Variants in MEGF10 observed in about 807,000 individuals in gnomAD.
MEGF10 encodes the protein multiple EGF like domains 10.
A neutral mutation model predicts 147.5 loss-of-function variants in MEGF10; 86 were observed. The observed-to-expected ratio is 0.58, with a 90% CI of 0.49 to 0.70. The LOEUF (loss-of-function observed/expected upper bound fraction) is 0.70, where lower values mean the gene tolerates loss of function less well. Among genes scored for constraint, MEGF10 ranks in the 30% least tolerant of loss-of-function variants. The probability of loss-of-function intolerance (pLI) is 0.00; values close to 1 mark genes in which losing one functional copy is unlikely to be tolerated. For missense variants in MEGF10, 1,329 were observed against 1,487.3 expected (o/e 0.89, Z 1.75); for synonymous variants, 478 against 525.5 (o/e 0.91, Z 1.24).
intron 1 of MEGF10, among the ~76,000 whole-genome samples, chr5:127,325,595 C>T (rs778249546): frequency 2.6e-5 from 4 of 152,016 alleles, no homozygotes; most frequent in Non-Finnish European, 4.4e-5. Context: ...TGGTGTGCAT[C>T]ATGCTGATTG....
chr5:127,335,543 C>A (rs1447075073), intron 2 of MEGF10, among the ~76,000 whole-genome samples: 2 of 152,112 alleles, frequency 1.3e-5, no homozygotes, highest in Non-Finnish European at 2.9e-5. Flanking sequence ...AGAAAATGGA[C>A]CCCTTGAAGA....
chr5:127,452,700 C>T (rs554587607), intron 22 of MEGF10, among the ~76,000 whole-genome samples: 5 of 152,284 alleles, frequency 3.3e-5, no homozygotes, highest in African/African-American at 1.2e-4. Flanking sequence ...CACTTGGTTA[C>T]ACTATCCGGT....
At chr5:127,351,179 C>T (rs1762074158) in intron 4 of MEGF10, among the ~76,000 whole-genome samples, 1 of 151,808 alleles carries the variant, frequency 6.6e-6, no homozygotes, top group Non-Finnish European at 1.5e-5. Context: ...TTTTTAATTA[C>T]CTAAAATTAT....
rs567434459 is a variant in MEGF10 at position 127,347,517 on chromosome 5, A to C, written c.319+6887A>C. 2.0e-5 allele frequency among the ~76,000 whole-genome samples: 3 copies of C among 152,138 alleles called. No homozygotes were observed. The East Asian group carries it at 5.8e-4, about 29-fold the overall frequency. ...ACATTAATCCTAATGCATGTATAGGAACTATAGTTATGTTAGGGAGTTAGA... is the reference window on the plus strand; with the variant it reads ...ACATTAATCCTAATGCATGTATAGGCACTATAGTTATGTTAGGGAGTTAGA... On this transcript the variant is annotated intron_variant, in intron 4 of 24. Coordinates refer to ENST00000503335, the MANE Select transcript of MEGF10 (RefSeq NM_001256545.2).
chr5:127,359,637 C>T (rs549629172), intron 4 of MEGF10, among the ~76,000 whole-genome samples: 3 of 152,188 alleles, frequency 2.0e-5, no homozygotes, highest in East Asian at 1.9e-4. Context: ...AGAGTATTCT[C>T]GCTTTTATAT....
At chr5:127,263,316 G>C in the MEGF10 span, among the ~76,000 whole-genome samples, 1 of 145,584 alleles carries the variant, frequency 6.9e-6, no homozygotes, top group East Asian at 2.2e-4. Flanking sequence ...TCGGGGGGGG[G>C]GTAAAATTAT....
intron 4 of MEGF10, among the ~76,000 whole-genome samples, chr5:127,348,829 T>G (rs1292095133): frequency 6.6e-6 from 1 of 152,190 alleles, no homozygotes; most frequent in African/African-American, 2.4e-5. Context: ...ATTTTCATTT[T>G]AAATAATTCA....
chr5:127,232,365 T>G, the MEGF10 span, among the ~76,000 whole-genome samples: 90 of 152,314 alleles, frequency 5.9e-4, no homozygotes, highest in South Asian at 1.7e-3. Flanking sequence ...TGAATGGAGC[T>G]TTAAAGTGCT....
At chr5:127,440,605 A>C in intron 17 of MEGF10, 134 bp from the exon 18 acceptor site, 1 of 891,598 alleles carries the variant, frequency 1.1e-6, no homozygotes, top group Non-Finnish European at 1.7e-6. Context: ...GCAAGCTCAG[A>C]TATGTACTAT....
At chr5:127,353,545 T>C (rs2126825066) in intron 4 of MEGF10, among the ~76,000 whole-genome samples, 1 of 152,352 alleles carries the variant, frequency 6.6e-6, no homozygotes, top group Non-Finnish European at 1.5e-5. Context: ...TCTCCACTGA[T>C]GGCAGAGAAA....
At chr5:127,367,990 C>G (rs1221711599) in intron 4 of MEGF10, among the ~76,000 whole-genome samples, 2 of 152,164 alleles carry the variant, frequency 1.3e-5, no homozygotes, top group Non-Finnish European at 2.9e-5. Context: ...TTGAACTTCC[C>G]ACACTCAAGT....
chr5:127,410,247 C>T (rs1488501905), intron 8 of MEGF10, 142 bp from the exon 9 acceptor site: 12 of 714,008 alleles, frequency 1.7e-5, no homozygotes, highest in South Asian at 6.9e-5. Flanking sequence ...GCTTTTCATC[C>T]GTGTAATGGG....
intron 4 of MEGF10, among the ~76,000 whole-genome samples, chr5:127,349,756 G>A (rs1012885596): frequency 6.6e-6 from 1 of 150,950 alleles, no homozygotes; most frequent in Non-Finnish European, 1.5e-5. Flanking sequence ...CATGGTCCTT[G>A]ACTACTACCT....
the MEGF10 span, among the ~76,000 whole-genome samples, chr5:127,272,282 G>T: frequency 6.6e-6 from 1 of 152,058 alleles, no homozygotes; most frequent in Non-Finnish European, 1.5e-5. Context: ...TTGTTCCATT[G>T]ATCTATGTGT....
intron 5 of MEGF10, among the ~76,000 whole-genome samples, chr5:127,372,744 T>G (rs1561601774): frequency 6.6e-6 from 1 of 152,216 alleles, no homozygotes; most frequent in Non-Finnish European, 1.5e-5. Context: ...AATACCAGAA[T>G]TGAAGTGCTC....
chr5:127,304,587 G>T (rs1156283490), intron 1 of MEGF10, among the ~76,000 whole-genome samples: 1 of 152,222 alleles, frequency 6.6e-6, no homozygotes, highest in Non-Finnish European at 1.5e-5. Flanking sequence ...TCTGCCTCCT[G>T]GGTTCAAGTG....
intron 7 of MEGF10, 79 bp downstream of exon 7, chr5:127,398,875 G>C: frequency 1.3e-6 from 2 of 1,579,658 alleles, no homozygotes; most frequent in Non-Finnish European, 8.6e-7. Context: ...ACATGCAGGA[G>C]ACTTTAGCAC....
intron 5 of MEGF10, among the ~76,000 whole-genome samples, chr5:127,383,878 T>C (rs1247476544): frequency 2.0e-5 from 3 of 152,220 alleles, no homozygotes; most frequent in Admixed American, 6.5e-5. Flanking sequence ...GAAAACCATA[T>C]TAAATCTTTC....
In MEGF10 at chr5:127,371,191, C is replaced by CTGTGTGTG. The variant is rs10591122; in HGVS notation, c.412+1237_412+1244dup. ...ACTGTACCTTAAACAGGGACTGGGA[C>CTGTGTGTG]TGTGTGTGTGTGTGTGTGTGTGTGT... On this transcript the variant is annotated intron_variant, in intron 5 of 24. Coordinates refer to ENST00000503335, the MANE Select transcript of MEGF10 (RefSeq NM_001256545.2). Among the ~76,000 whole-genome samples, 980 of 126,230 alleles carry CTGTGTGTG rather than the reference C, an allele frequency of 7.8e-3. 8 individuals carry two copies. Among genetic ancestry groups the CTGTGTGTG allele is most frequent in the Middle Eastern group, 0.016 (4 of 244 alleles). 82.8% of individuals were successfully genotyped at this position (126,230 alleles called of 152,430 possible).
Sources: allele counts gnomAD v4.1 joint callset (sites outside exome capture counted in the v4.1 genomes callset), GRCh38; gene constraint gnomAD v4.1.1; transcripts MANE v1.5; gene names NCBI Gene and HGNC (gene_info 2026-07-23, HGNC 2026-07-21).